The following AIM2 variants were observed in gnomAD, a reference collection of about 807,000 sequenced individuals.
The protein encoded by AIM2 is interferon-inducible protein AIM2.
AIM2 carries 30 observed loss-of-function variants against 27.7 expected under a neutral mutation model. The ratio of observed to expected loss-of-function variants is 1.08; its 90% CI spans 0.81 to 1.47. The LOEUF (loss-of-function observed/expected upper bound fraction) is 1.47. Among genes scored for constraint, AIM2 ranks in the 40% most tolerant of loss-of-function variants. The pLI, the probability that AIM2 is intolerant of heterozygous loss-of-function variation, is 0.00. For synonymous variants in AIM2, 141 were observed against 145.3 expected (o/e 0.97, Z 0.21); for missense variants, 358 against 411.3 (o/e 0.87, Z 1.12).
intron 1 of AIM2, among the ~76,000 whole-genome samples, chr1:159,110,145 C>T (rs1013462982): frequency 2.4e-4 from 36 of 152,174 alleles, no homozygotes; most frequent in African/African-American, 7.9e-4. Flanking sequence ...ATTGCAAAAA[C>T]GTGGAACCAA....
intron 1 of AIM2, among the ~76,000 whole-genome samples, chr1:159,136,648 C>T (rs1476528649): frequency 6.6e-6 from 1 of 152,158 alleles, no homozygotes; most frequent in South Asian, 2.1e-4. Context: ...TTCCAAGGAG[C>T]ACATAGTTCA....
intron 1 of AIM2, among the ~76,000 whole-genome samples, chr1:159,110,146 G>A (rs375348459): frequency 5.3e-5 from 8 of 152,262 alleles, no homozygotes; most frequent in South Asian, 2.1e-4. Flanking sequence ...TTGCAAAAAC[G>A]TGGAACCAAC....
chr1:159,139,403 T>G (rs970351377), intron 1 of AIM2, among the ~76,000 whole-genome samples: 1 of 152,124 alleles, frequency 6.6e-6, no homozygotes, highest in African/African-American at 2.4e-5. Flanking sequence ...CCAGGTACCC[T>G]CCCCGTATGC....
chr1:159,114,283 T>A (rs1647270550), intron 1 of AIM2, among the ~76,000 whole-genome samples: 1 of 151,308 alleles, frequency 6.6e-6, no homozygotes, highest in South Asian at 2.1e-4. Context: ...GTACAAAGGG[T>A]TTCAAATGGA....
At chr1:159,081,352 C>T (rs1313356312), upstream of AIM2, 1 of 292,386 alleles carries the variant, frequency 3.4e-6, no homozygotes, top group African/African-American at 2.3e-5. Flanking sequence ...GCTTGCACCA[C>T]ATAAAAATCT....
downstream of AIM2, among the ~76,000 whole-genome samples, chr1:159,061,060 A>T (rs1015504393): frequency 1.3e-5 from 2 of 152,232 alleles, no homozygotes; most frequent in African/African-American, 4.8e-5. Flanking sequence ...TTGTAGATGC[A>T]TATTAAGTTT....
At chr1:159,078,072 T>A (rs1207173932), upstream of AIM2, among the ~76,000 whole-genome samples, 5 of 152,220 alleles carry the variant, frequency 3.3e-5, no homozygotes, top group African/African-American at 7.2e-5. Flanking sequence ...CACTTTCTAC[T>A]GCAAGGCTTG....
chr1:159,073,429 C>G lies in AIM2; in HGVS notation c.71G>C (p.Arg24Thr), dbSNP rs1461481073. The G allele has an allele frequency of 6.2e-7, 1 of 1,614,108 alleles. No homozygotes were observed. Among genetic ancestry groups the G allele is most frequent in the South Asian group, 1.1e-5 (1 of 91,080 alleles). Residue 24 changes from arginine to threonine, a missense_variant, in exon 2 of 6, where the codon AGG (arginine) becomes ACG (threonine). Coordinates refer to ENST00000368130, the MANE Select transcript of AIM2 (RefSeq NM_004833.3). ...CTCGTCTGAAAGAAAGAACTTAAAC[C>G]TATCCAGTTCCTCATCAGTGATGTT... ...LDNITDEELD[R>T]FKFFLSDEFN...
intron 1 of AIM2, among the ~76,000 whole-genome samples, chr1:159,111,305 A>G (rs993044726): frequency 3.9e-5 from 6 of 152,234 alleles, no homozygotes; most frequent in Admixed American, 1.3e-4. Flanking sequence ...AGGCTAAAAT[A>G]ACCTGGCGTA....
intron 1 of AIM2, among the ~76,000 whole-genome samples, chr1:159,074,663 G>A (rs951051788): frequency 6.6e-6 from 1 of 151,896 alleles, no homozygotes; most frequent in Non-Finnish European, 1.5e-5. Flanking sequence ...ATACAGAAAT[G>A]CATTCCTTTA....
intron 1 of AIM2, among the ~76,000 whole-genome samples, chr1:159,145,988 C>A (rs576091875): frequency 6.6e-6 from 1 of 152,058 alleles, no homozygotes; most frequent in South Asian, 2.1e-4. Context: ...TGCCTGTAGT[C>A]CCAGCTACTC....
At chr1:159,080,540 A>G (rs926852848), upstream of AIM2, among the ~76,000 whole-genome samples, 2 of 152,196 alleles carry the variant, frequency 1.3e-5, no homozygotes, top group Admixed American at 6.5e-5. Flanking sequence ...TGCTAATTTT[A>G]AAAAATGTAT....
At chr1:159,061,968 C>T (rs1039750486), downstream of AIM2, among the ~76,000 whole-genome samples, 4 of 152,104 alleles carry the variant, frequency 2.6e-5, no homozygotes, top group Admixed American at 6.6e-5. Flanking sequence ...TTATGAAAAG[C>T]CAATGATCTG....
the AIM2 span, among the ~76,000 whole-genome samples, chr1:159,057,129 G>C: frequency 6.6e-6 from 1 of 152,140 alleles, no homozygotes; most frequent in Admixed American, 6.5e-5. Context: ...ACATCCCCAA[G>C]TCCCAGCAAC....
At chr1:159,104,546 G>T (rs984666310) in intron 1 of AIM2, among the ~76,000 whole-genome samples, 1 of 152,264 alleles carries the variant, frequency 6.6e-6, no homozygotes, top group Admixed American at 6.5e-5. Context: ...GAGATGTGCT[G>T]TAAGATTAAA....
chr1:159,096,968 G>T (rs1657194507), intron 1 of AIM2, among the ~76,000 whole-genome samples: 1 of 152,018 alleles, frequency 6.6e-6, no homozygotes, highest in African/African-American at 2.4e-5. Context: ...TCATTAGGTT[G>T]CTCTGAGATT....
chr1:159,136,303 A>G (rs191182220), intron 1 of AIM2, among the ~76,000 whole-genome samples: 112 of 152,298 alleles, frequency 7.4e-4, no homozygotes, highest in Non-Finnish European at 1.0e-3. Flanking sequence ...GAATAACTAC[A>G]AACAAGGAGG....
the AIM2 span, among the ~76,000 whole-genome samples, chr1:159,057,429 G>A: frequency 6.6e-6 from 1 of 152,216 alleles, no homozygotes; most frequent in Non-Finnish European, 1.5e-5. Flanking sequence ...GTTAATGCTT[G>A]CTAGGATTTG....
intron 1 of AIM2, among the ~76,000 whole-genome samples, chr1:159,128,664 C>T (rs980926057): frequency 6.6e-6 from 1 of 152,098 alleles, no homozygotes; most frequent in African/African-American, 2.4e-5. Flanking sequence ...GATCTAGATA[C>T]TTTAACTCTC....
Sources: allele counts gnomAD v4.1 joint callset (sites outside exome capture counted in the v4.1 genomes callset), GRCh38; gene constraint gnomAD v4.1.1; transcripts MANE v1.5; gene names NCBI Gene and HGNC (gene_info 2026-07-23, HGNC 2026-07-21).